Variants in CHL1 observed in about 807,000 individuals in gnomAD.
CHL1 encodes the protein neural cell adhesion molecule L1-like protein.
CHL1 carries 96 observed loss-of-function variants against 141.9 expected under a neutral mutation model. That is an observed-to-expected ratio of 0.68 (90% CI 0.57 to 0.80). The LOEUF is 0.80. CHL1 is among the 30% of genes least tolerant of loss of function. CHL1 has a pLI of 0.00. For missense variants in CHL1, 1,820 were observed against 1,457.2 expected (o/e 1.25, Z -4.05); for synonymous variants, 613 against 502.2 (o/e 1.22, Z -2.95).
intron 2 of CHL1, among the ~76,000 whole-genome samples, chr3:245,352 G>A (rs1574844009): frequency 1.3e-5 from 2 of 152,124 alleles, no homozygotes; most frequent in Admixed American, 1.3e-4. Flanking sequence ...GACCCATTTT[G>A]TAAATCATAA....
intron 10 of CHL1, among the ~76,000 whole-genome samples, chr3:350,173 C>A (rs982266736): frequency 6.6e-6 from 1 of 152,186 alleles, no homozygotes; most frequent in African/African-American, 2.4e-5. Flanking sequence ...ATATTCAAGT[C>A]ATCTTCTCTC....
At chr3:393,232 C>CA (rs61149354) in intron 23 of CHL1, among the ~76,000 whole-genome samples, 6,163 of 94,662 alleles carry the variant, frequency 0.065, 607 homozygotes, top group African/African-American at 0.19. Flanking sequence ...GACTCCGTCT[C>CA]AAAAAAAAAA....
chr3:352,678 A>T (rs554739201), intron 10 of CHL1, among the ~76,000 whole-genome samples: 92 of 152,306 alleles, frequency 6.0e-4, no homozygotes, highest in African/African-American at 2.0e-3. Context: ...ATATTACATG[A>T]TTCAGGACCA....
rs368273405 is a variant in CHL1 at position 308,605 on chromosome 3, A to G, written c.-94-11078A>G. On this transcript the variant is annotated intron_variant, in intron 2 of 27. Transcript: ENST00000256509. ...TATATATAGATAATATCTATATTAT[A>G]GAACATATATATGTTATAATAATAT... 1.4e-4 allele frequency: 21 copies of G among 149,918 alleles called. No individual in the cohort carries two copies. In the East Asian group the frequency reaches 2.1e-3, roughly 15 times the overall value. The allele number at this position is 149,918 out of a possible 1,614,324, so 9.3% of individuals were successfully genotyped here.
At chr3:232,141 G>A (rs1478740489) in intron 1 of CHL1, among the ~76,000 whole-genome samples, 5 of 152,094 alleles carry the variant, frequency 3.3e-5, no homozygotes, top group African/African-American at 7.2e-5. Flanking sequence ...AGAAGGTTTT[G>A]GTGTCTACCA....
chr3:368,197 A>G (rs1298301233), intron 15 of CHL1, among the ~76,000 whole-genome samples: 2 of 152,216 alleles, frequency 1.3e-5, no homozygotes, highest in Admixed American at 6.5e-5. Context: ...CGGTTGAACT[A>G]ATTTACATTC....
chr3:367,628 T>C (rs1051391835), intron 15 of CHL1, among the ~76,000 whole-genome samples: 1 of 152,224 alleles, frequency 6.6e-6, no homozygotes, highest in African/African-American at 2.4e-5. Context: ...ATTTCTTCAT[T>C]TTTTTCCTTA....
intron 2 of CHL1, among the ~76,000 whole-genome samples, chr3:254,817 T>A (rs369308842): frequency 4.6e-5 from 7 of 152,132 alleles, no homozygotes; most frequent in African/African-American, 1.7e-4. Context: ...TCTGAGGGCC[T>A]TAATCCCATT....
chr3:273,842 C>T (rs1695850863), intron 2 of CHL1, among the ~76,000 whole-genome samples: 1 of 152,144 alleles, frequency 6.6e-6, no homozygotes, highest in South Asian at 2.1e-4. Flanking sequence ...CTCCAATCTA[C>T]TCTTGCCTAT....
intron 1 of CHL1, among the ~76,000 whole-genome samples, chr3:219,097 C>T (rs930793322): frequency 7.9e-5 from 12 of 151,438 alleles, no homozygotes; most frequent in African/African-American, 2.7e-4. Flanking sequence ...TGCAGTGAGC[C>T]GAGATCATGC....
At chr3:235,867 G>C (rs1288831796) in intron 1 of CHL1, among the ~76,000 whole-genome samples, 1 of 152,152 alleles carries the variant, frequency 6.6e-6, no homozygotes, top group African/African-American at 2.4e-5. Context: ...GAGAAAACAA[G>C]AGATGCCTCT....
rs199732710 is a variant in CHL1, at chr3:330,313, A to G, written c.385+1959A>G. Among the ~76,000 whole-genome samples, 15 of 152,250 alleles carry G rather than the reference A, an allele frequency of 9.9e-5. No individual in the cohort carries two copies. In the East Asian group the frequency reaches 2.5e-3, roughly 25 times the overall value. On this transcript the variant is annotated intron_variant, in intron 5 of 27. Transcript: ENST00000256509. ...GACAGTGAAAACTCTACATAACAAA[A>G]CATGTTGAATGCAGTGAAAGCATTA...
At chr3:398,086 C>T in intron 24 of CHL1, 141 bp from the exon 25 acceptor site, 1 of 467,372 alleles carries the variant, frequency 2.1e-6, no homozygotes. Flanking sequence ...TGTTGATTTT[C>T]TTGATCTCCT....
chr3:385,489 A>G (rs929900341), intron 19 of CHL1, among the ~76,000 whole-genome samples: 3 of 152,172 alleles, frequency 2.0e-5, no homozygotes, highest in African/African-American at 7.2e-5. Flanking sequence ...AAGATACACA[A>G]GATTGATTAT....
chr3:287,910 C>T lies in CHL1; in HGVS notation c.-94-31773C>T, dbSNP rs577318028. ...CCTCCCGAGTAGCTGGGACTACAGG[C>T]GTGCGCCATCACGCCAGGCTAAGTT... On this transcript the variant is annotated intron_variant, in intron 2 of 27. Coordinates refer to ENST00000256509, the MANE Select transcript of CHL1 (RefSeq NM_006614.4). Among the ~76,000 whole-genome samples, 160 of 151,156 alleles carry T rather than the reference C, an allele frequency of 1.1e-3. 3 individuals are homozygous for T. The South Asian group carries it at 0.032, about 30-fold the overall frequency.
At chr3:244,835 T>C (rs891590503) in intron 2 of CHL1, 143 bp downstream of exon 2, 1 of 152,218 alleles carries the variant, frequency 6.6e-6, no homozygotes, top group Non-Finnish European at 1.5e-5. Context: ...AGCGTAGATA[T>C]GGACCAGATA....
chr3:212,520 G>A (rs1210063990), intron 1 of CHL1, among the ~76,000 whole-genome samples: 2 of 151,918 alleles, frequency 1.3e-5, no homozygotes, highest in Admixed American at 6.6e-5. Flanking sequence ...TTTCTGCCTC[G>A]AACAGTCACT....
intron 5 of CHL1, among the ~76,000 whole-genome samples, chr3:332,294 T>G (rs558866744): frequency 6.6e-6 from 1 of 152,316 alleles, no homozygotes; most frequent in East Asian, 1.9e-4. Context: ...TTGAAATATG[T>G]AAAACTGACT....
chr3:375,486 C>T (rs538095297), intron 15 of CHL1, among the ~76,000 whole-genome samples: 9 of 151,718 alleles, frequency 5.9e-5, no homozygotes, highest in Admixed American at 1.3e-4. Flanking sequence ...GTTGAAGATG[C>T]AAAGATGAAG....
Sources: allele counts gnomAD v4.1 joint callset (sites outside exome capture counted in the v4.1 genomes callset), GRCh38; gene constraint gnomAD v4.1.1; transcripts MANE v1.5; gene names NCBI Gene and HGNC (gene_info 2026-07-23, HGNC 2026-07-21).